The following SPATA16 variants were observed in gnomAD, a reference collection of about 807,000 sequenced individuals.
SPATA16 encodes the protein spermatogenesis associated 16, also known as spermatogenesis-associated protein 16.
In SPATA16, 36 loss-of-function variants were observed where a neutral mutation model predicts 63.3. The observed-to-expected ratio is 0.57, with a 90% CI of 0.44 to 0.75. The LOEUF (loss-of-function observed/expected upper bound fraction) is 0.75, where lower values mean the gene tolerates loss of function less well. Ranked by LOEUF, SPATA16 falls within the 30% of genes least tolerant of loss-of-function variation. The pLI, the probability that SPATA16 is intolerant of heterozygous loss-of-function variation, is 0.00. For missense variants in SPATA16, 646 were observed against 679.3 expected (o/e 0.95, Z 0.54); for synonymous variants, 203 against 216.7 (o/e 0.94, Z 0.56).
At chr3:172,896,734 G>A (rs1371491094) in intron 10 of SPATA16, among the ~76,000 whole-genome samples, 1 of 151,730 alleles carries the variant, frequency 6.6e-6, no homozygotes, top group Non-Finnish European at 1.5e-5. Context: ...ATGCTCAATT[G>A]TCATTCACTC....
intron 2 of SPATA16, among the ~76,000 whole-genome samples, chr3:173,094,490 G>A (rs574271421): frequency 6.6e-6 from 1 of 152,244 alleles, no homozygotes; most frequent in South Asian, 2.1e-4. Flanking sequence ...AATGTACAAG[G>A]AGAGATTTCC....
intron 10 of SPATA16, among the ~76,000 whole-genome samples, chr3:172,903,138 G>A (rs1382113684): frequency 6.6e-6 from 1 of 152,128 alleles, no homozygotes; most frequent in Non-Finnish European, 1.5e-5. Context: ...AAAACGTAAT[G>A]TATAAAAGAC....
rs1732263982 is a variant in SPATA16, at chr3:172,907,314, T to A, written c.1587+6347A>T. Among the ~76,000 whole-genome samples the A allele has an allele frequency of 2.0e-5, 3 of 152,164 alleles. 1 individual carries two copies. Among genetic ancestry groups the A allele is most frequent in the Admixed American group, 2.0e-4 (3 of 15,272 alleles). On this transcript the variant is annotated intron_variant, in intron 10 of 10. Coordinates refer to ENST00000351008, the MANE Select transcript of SPATA16 (RefSeq NM_031955.6). ...CCTTTGCCCTTCTGAATAGATCACT[T>A]CTCACCTCCACTCCTACCACTGCGT...
At chr3:173,029,390 A>G (rs1421797506) in intron 3 of SPATA16, among the ~76,000 whole-genome samples, 2 of 150,232 alleles carry the variant, frequency 1.3e-5, no homozygotes. Context: ...TGTTCACAGC[A>G]ATAACAGTAA....
intron 2 of SPATA16, among the ~76,000 whole-genome samples, chr3:173,063,769 C>G (rs1736447260): frequency 6.6e-6 from 1 of 152,068 alleles, no homozygotes; most frequent in African/African-American, 2.4e-5. Context: ...GAAAATTGGG[C>G]TGTCTGGGAG....
At chr3:172,986,465 G>T (rs1023936454) in intron 4 of SPATA16, among the ~76,000 whole-genome samples, 1 of 152,112 alleles carries the variant, frequency 6.6e-6, no homozygotes, top group African/African-American at 2.4e-5. Context: ...ATCAATATAT[G>T]TACTAATGCA....
chr3:172,954,094 T>C (rs926055525), intron 6 of SPATA16, among the ~76,000 whole-genome samples: 2 of 152,222 alleles, frequency 1.3e-5, no homozygotes, highest in South Asian at 2.1e-4. Flanking sequence ...ACAAGGCTGA[T>C]AATAGGAAGA....
intron 2 of SPATA16, among the ~76,000 whole-genome samples, chr3:173,111,358 C>T (rs948609018): frequency 6.6e-6 from 1 of 151,964 alleles, no homozygotes; most frequent in African/African-American, 2.4e-5. Flanking sequence ...TACAGTGAGC[C>T]GAGATCGTAC....
intron 2 of SPATA16, among the ~76,000 whole-genome samples, chr3:173,082,931 T>C (rs1278780961): frequency 1.3e-5 from 2 of 152,190 alleles, no homozygotes; most frequent in Non-Finnish European, 2.9e-5. Context: ...ATCTGCCTTG[T>C]TCACTTTTGT....
chr3:173,116,463 T>A (rs1263062403), intron 2 of SPATA16, among the ~76,000 whole-genome samples: 3 of 152,168 alleles, frequency 2.0e-5, no homozygotes, highest in Non-Finnish European at 4.4e-5. Flanking sequence ...TACTACCTAT[T>A]TTGTGTTTTA....
In SPATA16 at chr3:173,035,995, A is replaced by G. The variant is rs369743748; in HGVS notation, c.758+12954T>C. The stretch of plus-strand genomic sequence containing the variant: ...TTTTAATAAATTTCAATCCTTGAGT[A>G]CATGTCTCTTTAACATTTGGTAGGA... On this transcript the variant is annotated intron_variant, in intron 3 of 10. Transcript: ENST00000351008. Among the ~76,000 whole-genome samples the G allele has an allele frequency of 2.0e-3, 304 of 151,596 alleles. 7 individuals are homozygous for G. The South Asian group carries it at 0.043, about 21-fold the overall frequency.
intron 2 of SPATA16, among the ~76,000 whole-genome samples, chr3:173,049,834 A>C (rs1052901123): frequency 2.0e-5 from 3 of 152,126 alleles, no homozygotes. Context: ...ATGAAGTGTC[A>C]ATAATATGAC....
intron 2 of SPATA16, among the ~76,000 whole-genome samples, chr3:173,116,269 T>G (rs1737896612): frequency 1.3e-5 from 2 of 152,212 alleles, no homozygotes; most frequent in Admixed American, 1.3e-4. Flanking sequence ...CATGTCTTCA[T>G]TCATTTCTTT....
At chr3:173,049,984 T>C (rs1320417802) in intron 2 of SPATA16, among the ~76,000 whole-genome samples, 1 of 152,154 alleles carries the variant, frequency 6.6e-6, no homozygotes, top group African/African-American at 2.4e-5. Flanking sequence ...CTTCCATCTA[T>C]GCATATACTG....
chr3:172,985,984 T>C (rs1262674454), intron 4 of SPATA16, among the ~76,000 whole-genome samples: 2 of 152,198 alleles, frequency 1.3e-5, no homozygotes, highest in Admixed American at 6.5e-5. Context: ...ATTGCTAGTC[T>C]GGATTTAATA....
intron 10 of SPATA16, among the ~76,000 whole-genome samples, chr3:172,909,526 C>T (rs1358401256): frequency 6.6e-6 from 1 of 152,098 alleles, no homozygotes; most frequent in Admixed American, 6.5e-5. Context: ...TGTTTAAAGC[C>T]CAATTCACAT....
At chr3:173,016,962 G>A (rs916819627) in intron 4 of SPATA16, among the ~76,000 whole-genome samples, 20 of 151,410 alleles carry the variant, frequency 1.3e-4, no homozygotes, top group African/African-American at 4.1e-4. Flanking sequence ...TACAGTGAGC[G>A]CTGAGACTGT....
chr3:173,137,755 T>C (rs1738586587), intron 1 of SPATA16, among the ~76,000 whole-genome samples: 1 of 150,890 alleles, frequency 6.6e-6, no homozygotes, highest in Non-Finnish European at 1.5e-5. Context: ...CCTAAGAAGG[T>C]TCAGAAGCCT....
chr3:173,101,750 C>T (rs1445167623), intron 2 of SPATA16, among the ~76,000 whole-genome samples: 1 of 152,156 alleles, frequency 6.6e-6, no homozygotes, highest in African/African-American at 2.4e-5. Context: ...CTCTCAAAAC[C>T]TATACTCTAG....
Sources: allele counts gnomAD v4.1 joint callset (sites outside exome capture counted in the v4.1 genomes callset), GRCh38; gene constraint gnomAD v4.1.1; transcripts MANE v1.5; gene names NCBI Gene and HGNC (gene_info 2026-07-23, HGNC 2026-07-21).